The following FBXO11 variants were observed in gnomAD, a reference collection of about 807,000 sequenced individuals.
FBXO11 encodes F-box protein 11.
In FBXO11, 13 loss-of-function variants were observed where a neutral mutation model predicts 117.0. That is an observed-to-expected ratio of 0.11 (90% confidence interval 0.07 to 0.18). The LOEUF (loss-of-function observed/expected upper bound fraction) is 0.18. FBXO11 is among the 10% of genes least tolerant of loss of function. The probability of loss-of-function intolerance (pLI) is 1.00; values close to 1 mark genes in which losing one functional copy is unlikely to be tolerated. For missense variants in FBXO11, 767 were observed against 1,164.4 expected (o/e 0.66, Z 4.97); for synonymous variants, 490 against 380.5 (o/e 1.29, Z -3.35).
chr2:47,888,799 T>C (rs1290033953), intron 1 of FBXO11: 2 of 237,608 alleles, frequency 8.4e-6, no homozygotes, highest in Non-Finnish European at 1.4e-5. Context: ...CTATCTGCTA[T>C]ATTTGGTTCT....
intron 16 of FBXO11, among the ~76,000 whole-genome samples, chr2:47,817,919 G>A (rs369051762): frequency 2.0e-5 from 3 of 152,154 alleles, no homozygotes; most frequent in East Asian, 1.9e-4. Context: ...AGGCTGAGGC[G>A]GGTGGATCAC....
At chr2:47,843,975 A>G (rs1405816651) in intron 1 of FBXO11, among the ~76,000 whole-genome samples, 8 of 152,136 alleles carry the variant, frequency 5.3e-5, no homozygotes, top group African/African-American at 1.9e-4. Flanking sequence ...TCCTGACCTC[A>G]AGGTATCTGC....
At chr2:47,866,816 T>C (rs1322603260) in intron 1 of FBXO11, among the ~76,000 whole-genome samples, 2 of 152,136 alleles carry the variant, frequency 1.3e-5, no homozygotes, top group Non-Finnish European at 2.9e-5. Flanking sequence ...CATGTCACTT[T>C]GAGAAAAAAT....
At chr2:47,868,531 T>A (rs1371183417) in intron 1 of FBXO11, among the ~76,000 whole-genome samples, 1 of 152,176 alleles carries the variant, frequency 6.6e-6, no homozygotes, top group African/African-American at 2.4e-5. Context: ...GAACTCCTAA[T>A]ATTTGAGAGT....
chr2:47,868,279 C>T (rs1675347785), intron 1 of FBXO11, among the ~76,000 whole-genome samples: 1 of 120,484 alleles, frequency 8.3e-6, no homozygotes, highest in African/African-American at 3.1e-5. Context: ...AAGACTCTAC[C>T]TCCAAAAAAA....
intron 1 of FBXO11, among the ~76,000 whole-genome samples, chr2:47,898,788 T>C (rs1367176994): frequency 4.6e-5 from 7 of 152,196 alleles, no homozygotes; most frequent in Admixed American, 1.3e-4. Flanking sequence ...GGGCAGGTTA[T>C]TGCATCCCCT....
At chr2:47,891,832 C>T (rs1677279654) in intron 1 of FBXO11, among the ~76,000 whole-genome samples, 1 of 152,062 alleles carries the variant, frequency 6.6e-6, no homozygotes, top group African/African-American at 2.4e-5. Context: ...GAAAAGATAT[C>T]TCATTGTGGT....
intron 1 of FBXO11, among the ~76,000 whole-genome samples, chr2:47,863,028 C>G (rs1355018720): frequency 6.8e-6 from 1 of 147,888 alleles, no homozygotes; most frequent in Non-Finnish European, 1.5e-5. Context: ...ACACTCCAGC[C>G]TGGGTGACAA....
chr2:47,890,695 C>T (rs1001238580), intron 1 of FBXO11, among the ~76,000 whole-genome samples: 1 of 151,984 alleles, frequency 6.6e-6, no homozygotes, highest in Non-Finnish European at 1.5e-5. Context: ...ACCCCAACTA[C>T]TTGGGAGGCT....
At chr2:47,811,398 T>C (rs1269210716) in intron 18 of FBXO11, 1 of 152,148 alleles carries the variant, frequency 6.6e-6, no homozygotes, top group African/African-American at 2.4e-5. Flanking sequence ...CTAATTTTTG[T>C]ATTTTTAGGT....
chr2:47,863,653 C>T (rs904068929), intron 1 of FBXO11, among the ~76,000 whole-genome samples: 3 of 152,092 alleles, frequency 2.0e-5, no homozygotes, highest in Admixed American at 2.0e-4. Flanking sequence ...ATATAGCATC[C>T]TCCTCTAGAA....
intron 1 of FBXO11, among the ~76,000 whole-genome samples, chr2:47,841,313 G>A (rs1044742919): frequency 3.9e-5 from 6 of 152,178 alleles, no homozygotes; most frequent in African/African-American, 1.4e-4. Flanking sequence ...TAGATGAGGG[G>A]AAGCTTCTCT....
Position 47,835,816 on chromosome 2 carries a change from G to A in FBXO11, c.717+56C>T, listed in dbSNP as rs533532156. Reference sequence around the variant, plus strand: ...CCCAGCCTAAACTTATTTCTTAAAAGAAAGTTATTTACAAATGTATAATAT... The same window carrying A: ...CCCAGCCTAAACTTATTTCTTAAAAAAAAGTTATTTACAAATGTATAATAT... On this transcript the variant is annotated intron_variant, in intron 5 of 22. Transcript: ENST00000403359. 4.3e-6 allele frequency: 6 copies of A among 1,400,570 alleles called. No individual in the cohort carries two copies. In the African/African-American group the frequency reaches 8.9e-5, roughly 21 times the overall value. 86.8% of individuals were successfully genotyped at this position (1,400,570 alleles called of 1,614,324 possible).
chr2:47,864,362 CAGA>C (rs1675032548), intron 1 of FBXO11, among the ~76,000 whole-genome samples: 1 of 152,164 alleles, frequency 6.6e-6, no homozygotes, highest in South Asian at 2.1e-4. Flanking sequence ...CCAGGGCAGG[CAGA>C]TCACCTGAGG....
At chr2:47,808,709 G>C in intron 21 of FBXO11, 1 of 342,114 alleles carries the variant, frequency 2.9e-6, no homozygotes, top group Admixed American at 4.3e-5. Context: ...ACAATTTTTG[G>C]AGGCGTGAAG....
At chr2:47,866,400 A>T (rs1340802633) in intron 1 of FBXO11, among the ~76,000 whole-genome samples, 2 of 152,110 alleles carry the variant, frequency 1.3e-5, no homozygotes, top group African/African-American at 4.8e-5. Context: ...AGGGTATCTA[A>T]AAGTTCTTCC....
chr2:47,896,723 CTT>C (rs1677697559), intron 1 of FBXO11, among the ~76,000 whole-genome samples: 1 of 152,170 alleles, frequency 6.6e-6, no homozygotes, highest in Non-Finnish European at 1.5e-5. Context: ...ATGCAAATGT[CTT>C]TCAGAGAATT....
rs770509211 is a variant in FBXO11, at chr2:47,808,185, G to T, written c.2717C>A (p.Thr906Lys). 1.2e-6 allele frequency: 2 copies of T among 1,613,468 alleles called. No individual in the cohort carries two copies. Among genetic ancestry groups the T allele is most frequent in the Non-Finnish European group, 8.5e-7 (1 of 1,179,856 alleles). Residue 906 changes from threonine to lysine, a missense_variant, in exon 23 of 23, where the codon ACA (threonine) becomes AAA (lysine). Around this residue, in one of 10 missense-constraint regions of FBXO11, gnomAD observed 47 missense variants for 117.3 expected, o/e 0.40. Coordinates refer to ENST00000403359, the MANE Select transcript of FBXO11 (RefSeq NM_001190274.2). ...GTCATATAGTGTATCTGTATCATGT[G>T]TAGGCTCACCAGCTAATGTACAAGG... ...SNPCTLAGEP[T>K]HDTDTLYDSA...
At chr2:47,841,974 T>A (rs116655217) in intron 1 of FBXO11, among the ~76,000 whole-genome samples, 1,907 of 151,026 alleles carry the variant, frequency 0.013, 30 homozygotes, top group African/African-American at 0.041. Flanking sequence ...ATGATTATAA[T>A]ACAAATGCTT....
Sources: gnomAD v4.1 joint callset for allele counts (sites outside exome capture counted in the v4.1 genomes callset) on GRCh38, gnomAD v4.1.1 for gene constraint, gnomAD v4.1.1 regional missense constraint, MANE v1.5 for transcripts, NCBI Gene and HGNC (gene_info 2026-07-23, HGNC 2026-07-21) for gene names.